TMEM216: variants seen among roughly 807,000 people sequenced by gnomAD.
TMEM216 encodes the protein cerebello-oculo-renal syndrome 2.
Under a neutral mutation model 17.8 loss-of-function variants are expected in TMEM216, and 15 were observed. That is an observed-to-expected ratio of 0.84 (90% CI 0.56 to 1.30). The LOEUF (loss-of-function observed/expected upper bound fraction) is 1.30, where lower values mean the gene tolerates loss of function less well. Among genes scored for constraint, TMEM216 ranks in the 50% most tolerant of loss-of-function variants. The pLI, the probability that TMEM216 is intolerant of heterozygous loss-of-function variation, is 0.00. For missense variants in TMEM216, 160 were observed against 175.7 expected (o/e 0.91, Z 0.51); for synonymous variants, 58 against 73.5 (o/e 0.79, Z 1.08).
rs1351394247 is a variant in TMEM216 at position 61,396,708 on chromosome 11, C to T, written c.230-1066C>T. On this transcript the variant is annotated intron_variant, in intron 3 of 4. Coordinates refer to ENST00000515837, the MANE Select transcript of TMEM216 (RefSeq NM_001173990.3). ...ACTTGGGAGGCTGAGGCAGGATAAT[C>T]GCTTGTACCTGGGAGGTGGAGGTTG... Among the ~76,000 whole-genome samples the T allele has an allele frequency of 2.6e-5, 4 of 151,720 alleles. 1 individual carries two copies. Among genetic ancestry groups the T allele is most frequent in the South Asian group, 2.1e-4 (1 of 4,816 alleles).
chr11:61,392,845 C>T, intron 1 of TMEM216, 180 bp downstream of exon 1: 1 of 985,404 alleles, frequency 1.0e-6, no homozygotes, highest in Non-Finnish European at 1.2e-6. Flanking sequence ...TCTCAAGGTG[C>T]ACAGCTCAAA....
intron 3 of TMEM216, among the ~76,000 whole-genome samples, chr11:61,397,333 CT>C (rs1026574038): frequency 6.6e-6 from 1 of 151,594 alleles, no homozygotes; most frequent in Non-Finnish European, 1.5e-5. Context: ...CGCCCGGCTA[CT>C]TTTTTTGTAT....
In TMEM216 at chr11:61,398,043, T is replaced by A. The variant is rs1213012615; in HGVS notation, c.431+68T>A. 7.6e-6 allele frequency: 12 copies of A among 1,578,884 alleles called. No individual in the cohort carries two copies. The East Asian group carries it at 1.6e-4, about 21-fold the overall frequency. ...GTTCCCATCCCAGGGAGGGATTCAGTATTCTTCTGAAGCCTAAGGGGTCTA... is the reference window on the plus strand; with the variant it reads ...GTTCCCATCCCAGGGAGGGATTCAGAATTCTTCTGAAGCCTAAGGGGTCTA... On this transcript the variant is annotated intron_variant, in intron 4 of 4. Transcript: ENST00000515837.
At chr11:61,397,701 A>G in intron 3 of TMEM216, 73 bp from the exon 4 acceptor site, 4 of 1,415,152 alleles carry the variant, frequency 2.8e-6, no homozygotes, top group South Asian at 2.4e-5. Context: ...ATTCCATCAC[A>G]TCTCCCACGC....
Position 61,393,241 on chromosome 11 carries a change from G to A in TMEM216, c.45G>A (p.Leu15=). 6.5e-7 allele frequency: 1 copy of A among 1,535,766 alleles called. No homozygotes were observed. Among genetic ancestry groups the A allele is most frequent in the South Asian group, 1.2e-5 (1 of 84,032 alleles). ...GTGCTCCTTTTTCAGGTAAACGGTT[G>A]TCCTCCACCCCGCTGGAAATCCTGT... ...GLKMAPRGKR[L]SSTPLEILFF... Residue 15 remains leucine (L), a synonymous_variant, in exon 2 of 5, where the codon TTG becomes TTA. Transcript: ENST00000515837.
Position 61,392,677 on chromosome 11 carries a change from G to C in TMEM216, c.34+12G>C, listed in dbSNP as rs1336106190. On this transcript the variant is annotated intron_variant, in intron 1 of 4. Transcript: ENST00000515837. ...GATGGCGCCGCGAGGTGAGATTCCG[G>C]AGGTGTGTGAGTCGCTGGTCCCTTT... The C allele has an allele frequency of 4.6e-6, 7 of 1,536,126 alleles. No individual in the cohort carries two copies. Among genetic ancestry groups the C allele is most frequent in the Admixed American group, 3.9e-5 (2 of 50,992 alleles).
chr11:61,394,794 G>A (rs1198969386), intron 3 of TMEM216, among the ~76,000 whole-genome samples: 2 of 152,030 alleles, frequency 1.3e-5, no homozygotes, highest in East Asian at 3.9e-4. Context: ...AGCCTCCTGA[G>A]TAGCTGGGAC....
chr11:61,396,786 G>A (rs1440833509), intron 3 of TMEM216, among the ~76,000 whole-genome samples: 1 of 148,624 alleles, frequency 6.7e-6, no homozygotes, highest in Admixed American at 6.7e-5. Flanking sequence ...AAGAAACTCC[G>A]TCTCAATAAA....
chr11:61,397,716 C>T, intron 3 of TMEM216, 58 bp from the exon 4 acceptor site: 2 of 1,532,902 alleles, frequency 1.3e-6, no homozygotes, highest in Non-Finnish European at 1.8e-6. Context: ...CCACGCCTTT[C>T]CCCTGGGCCA....
In TMEM216 at chr11:61,392,675, C is replaced by T. The variant is rs752816469; in HGVS notation, c.34+10C>T. On this transcript the variant is annotated intron_variant, in intron 1 of 4. Transcript: ENST00000515837. ...AAGATGGCGCCGCGAGGTGAGATTC[C>T]GGAGGTGTGTGAGTCGCTGGTCCCT... is the stretch of plus-strand genomic sequence containing the variant. 3.9e-6 allele frequency: 6 copies of T among 1,536,094 alleles called. No individual in the cohort carries two copies. In the South Asian group the frequency reaches 5.9e-5, roughly 15 times the overall value.
chr11:61,393,836 T>C (rs746611307), intron 2 of TMEM216, 48 bp from the exon 3 acceptor site: 1 of 1,472,184 alleles, frequency 6.8e-7, no homozygotes, highest in Non-Finnish European at 9.4e-7. Context: ...GCAGTTCTTG[T>C]GGGTGCTGTT....
chr11:61,395,768 T>C (rs1858785676), intron 3 of TMEM216, among the ~76,000 whole-genome samples: 1 of 151,602 alleles, frequency 6.6e-6, no homozygotes, highest in South Asian at 2.1e-4. Flanking sequence ...TAATGGCAGT[T>C]CATGTAAAAA....
Position 61,397,968 on chromosome 11 carries a change from T to C in TMEM216, c.424T>C (p.Phe142Leu), listed in dbSNP as rs1858836993. 1 of 1,613,750 alleles carries C rather than the reference T, an allele frequency of 6.2e-7. No homozygotes were observed. The highest frequency in any genetic ancestry group is 8.5e-7 in the Non-Finnish European group (1 of 1,179,876). Residue 142 changes from phenylalanine (F) to leucine (L), a missense_variant, in exon 4 of 5, where the codon TTC becomes CTC. Coordinates refer to ENST00000515837, the MANE Select transcript of TMEM216 (RefSeq NM_001173990.3). Reference protein sequence around the residue: ...LLLEVLTLAAFSRI With the variant: ...LLLEVLTLAALSRI The stretch of plus-strand genomic sequence containing the variant: ...ACTTGAGGTGCTCACCTTGGCTGCT[T>C]TCTCCAGGTACTGCTGCTGAGGGAC...
At chr11:61,393,369 C>A in intron 2 of TMEM216, 37 bp downstream of exon 2, 1 of 1,392,038 alleles carries the variant, frequency 7.2e-7, no homozygotes, top group Non-Finnish European at 9.8e-7. Flanking sequence ...AGCATCCCTT[C>A]CCCACTTCAG....
intron 3 of TMEM216, 111 bp from the exon 4 acceptor site, chr11:61,397,663 C>G (rs901892749): frequency 3.3e-6 from 3 of 914,492 alleles, no homozygotes; most frequent in Non-Finnish European, 5.2e-6. Flanking sequence ...TGCACACCCC[C>G]ACTCAGGATT....
chr11:61,397,217 A>T (rs1327253737), intron 3 of TMEM216, among the ~76,000 whole-genome samples: 15 of 149,800 alleles, frequency 1.0e-4, no homozygotes, highest in Non-Finnish European at 7.4e-5. Flanking sequence ...CCCAGGCTGG[A>T]GTGCAGTGGC....
rs1347378101 is a variant in TMEM216 at position 61,398,417 on chromosome 11, C to CA, written c.*143dup. 3 of 873,212 alleles carry CA rather than the reference C, an allele frequency of 3.4e-6. No homozygotes were observed. Among genetic ancestry groups the CA allele is most frequent in the Non-Finnish European group, 5.3e-6 (3 of 561,818 alleles). 54.1% of individuals were successfully genotyped at this position (873,212 alleles called of 1,614,324 possible). On this transcript the variant is annotated 3_prime_UTR_variant, in exon 5 of 5. Coordinates refer to ENST00000515837, the MANE Select transcript of TMEM216 (RefSeq NM_001173990.3). ...CTTTTCTTCAGCACAGACATTTGGG[C>CA]AAGCAACTCAGCATAAGGCCAGTGG...
At chr11:61,394,470 G>A (rs1858755731) in intron 3 of TMEM216, among the ~76,000 whole-genome samples, 2 of 151,648 alleles carry the variant, frequency 1.3e-5, no homozygotes, top group South Asian at 4.2e-4. Flanking sequence ...CCGGGATCAA[G>A]CGATTCTCCT....
intron 1 of TMEM216, chr11:61,392,993 AC>A: frequency 1.5e-6 from 1 of 665,456 alleles, no homozygotes; most frequent in East Asian, 1.4e-4. Flanking sequence ...TTACCTCTTG[AC>A]TTTTATTCCT....
Sources: gnomAD v4.1 joint callset for allele counts (sites outside exome capture counted in the v4.1 genomes callset) on GRCh38, gnomAD v4.1.1 for gene constraint, MANE v1.5 for transcripts, NCBI Gene and HGNC (gene_info 2026-07-23, HGNC 2026-07-21) for gene names.